The following RNMT variants were observed in gnomAD, a reference collection of about 807,000 sequenced individuals.
RNMT encodes RNA guanine-7 methyltransferase.
A neutral mutation model predicts 56.0 loss-of-function variants in RNMT; 27 were observed. The observed-to-expected ratio is 0.48, with a 90% CI of 0.36 to 0.67. The LOEUF is 0.67. RNMT is among the 30% of genes least tolerant of loss of function. The pLI, the probability that RNMT is intolerant of heterozygous loss-of-function variation, is 0.00. For synonymous variants in RNMT, 184 were observed against 176.2 expected (o/e 1.04, Z -0.35); for missense variants, 519 against 552.1 (o/e 0.94, Z 0.60).
intron 4 of RNMT, among the ~76,000 whole-genome samples, chr18:13,735,218 A>AT (rs914168336): frequency 1.3e-5 from 2 of 152,122 alleles, no homozygotes; most frequent in Non-Finnish European, 2.9e-5. Flanking sequence ...CATAATAAAG[A>AT]TTTTTTTAAA....
At chr18:13,756,287 T>G (rs531136658) in intron 11 of RNMT, among the ~76,000 whole-genome samples, 32 of 152,346 alleles carry the variant, frequency 2.1e-4, no homozygotes, top group African/African-American at 7.5e-4. Context: ...TAAGTGGGAC[T>G]TTTTAGGAGT....
chr18:13,763,384 AC>A lies in RNMT; in HGVS notation c.*3409del. On this transcript the variant is annotated 3_prime_UTR_variant, in exon 12 of 12. Transcript: ENST00000383314. ...TCTGCTCCCATGTAGGCCTAAAGTC[AC>A]CCCACTCCTTAGTGCCTGCACCTCA... The A allele has an allele frequency of 3.5e-6, 1 of 288,216 alleles. No homozygotes were observed. Among genetic ancestry groups the A allele is most frequent in the East Asian group, 8.0e-5 (1 of 12,444 alleles). 17.9% of individuals were successfully genotyped at this position (288,216 alleles called of 1,614,324 possible). A position where few individuals can be genotyped will look rare whatever the true frequency, so the allele number is the denominator to read the frequency against.
chr18:13,762,699 A>G lies in RNMT; in HGVS notation c.*2720A>G. The G allele has an allele frequency of 4.2e-6, 1 of 237,954 alleles. No homozygotes were observed. The highest frequency in any genetic ancestry group is 2.2e-5 in the African/African-American group (1 of 44,810). 14.7% of individuals were successfully genotyped at this position (237,954 alleles called of 1,614,324 possible). On this transcript the variant is annotated 3_prime_UTR_variant, in exon 12 of 12. Coordinates refer to ENST00000383314, the MANE Select transcript of RNMT (RefSeq NM_003799.3). The stretch of plus-strand genomic sequence containing the variant: ...AGGATCAGAGCAGAGTTGGGAGTAT[A>G]TTGGTCAGGATCATAGAAAAGAAGA...
At chr18:13,749,166 A>G (rs2044399639) in intron 9 of RNMT, among the ~76,000 whole-genome samples, 1 of 152,202 alleles carries the variant, frequency 6.6e-6, no homozygotes, top group South Asian at 2.1e-4. Flanking sequence ...ATCAGTAGAG[A>G]AGAGAAACTG....
chr18:13,759,172 C>T (rs979291865), intron 11 of RNMT, among the ~76,000 whole-genome samples: 3 of 152,160 alleles, frequency 2.0e-5, no homozygotes, highest in Non-Finnish European at 2.9e-5. Flanking sequence ...AAACCCGAAG[C>T]GAGCATGTGC....
At position 13,761,796 on chromosome 18, in the gene RNMT, A is replaced by G; in HGVS notation, c.*1817A>G. 1.6e-6 allele frequency: 2 copies of G among 1,290,060 alleles called. No homozygotes were observed. Among genetic ancestry groups the G allele is most frequent in the Non-Finnish European group, 2.0e-6 (2 of 1,013,664 alleles). 79.9% of individuals were successfully genotyped at this position (1,290,060 alleles called of 1,614,324 possible). A position where few individuals can be genotyped will look rare whatever the true frequency, so the allele number is the denominator to read the frequency against. The stretch of plus-strand genomic sequence containing the variant: ...TGTTCAGGCACCACCTTCCTCCTTG[A>G]GCTTTGCCTGTCTCTTGCCTTATCA... On this transcript the variant is annotated 3_prime_UTR_variant, in exon 12 of 12. Coordinates refer to ENST00000383314, the MANE Select transcript of RNMT (RefSeq NM_003799.3).
In RNMT at chr18:13,736,993, T is replaced by A; in HGVS notation, c.554-17T>A. 6.2e-7 allele frequency: 1 copy of A among 1,608,644 alleles called. No homozygotes were observed. Among genetic ancestry groups the A allele is most frequent in the Non-Finnish European group, 8.5e-7 (1 of 1,177,196 alleles). On this transcript the variant is annotated splice_polypyrimidine_tract_variant and intron_variant, in intron 4 of 11. Coordinates refer to ENST00000383314, the MANE Select transcript of RNMT (RefSeq NM_003799.3). ...TGAAGAAGAGGTAGTTTATTGTGAC[T>A]GATTTCTCTCTTTTAGGAGAATTTT... is the stretch of plus-strand genomic sequence containing the variant.
intron 5 of RNMT, among the ~76,000 whole-genome samples, chr18:13,738,746 G>A (rs1343851018): frequency 6.6e-6 from 1 of 152,186 alleles, no homozygotes; most frequent in Non-Finnish European, 1.5e-5. Context: ...TGATCAATAC[G>A]AGTTTTTCAG....
At chr18:13,735,345 A>G (rs2044140942) in intron 4 of RNMT, among the ~76,000 whole-genome samples, 2 of 152,202 alleles carry the variant, frequency 1.3e-5, no homozygotes, top group African/African-American at 4.8e-5. Flanking sequence ...AAGATAAATT[A>G]CCTAATCTGA....
chr18:13,747,860 G>T (rs925858437), intron 9 of RNMT, among the ~76,000 whole-genome samples: 2 of 152,188 alleles, frequency 1.3e-5, no homozygotes, highest in African/African-American at 2.4e-5. Context: ...GCAAAACTAT[G>T]TGTGGATAAG....
chr18:13,761,944 C>T lies in RNMT; in HGVS notation c.*1965C>T. On this transcript the variant is annotated 3_prime_UTR_variant, in exon 12 of 12. Transcript: ENST00000383314. ...TAGGAAGAGGACTAGAAAAGGCTTC[C>T]CCTGCCTATCCTCTCCGATCACCAA... is the stretch of plus-strand genomic sequence containing the variant. 1.4e-6 allele frequency: 2 copies of T among 1,433,012 alleles called. No homozygotes were observed. Among genetic ancestry groups the T allele is most frequent in the Non-Finnish European group, 1.8e-6 (2 of 1,086,720 alleles). 88.8% of individuals were successfully genotyped at this position (1,433,012 alleles called of 1,614,324 possible). A position where few individuals can be genotyped will look rare whatever the true frequency, so the allele number is the denominator to read the frequency against.
chr18:13,761,751 AGCCACACCTGCAGGC>A lies in RNMT; in HGVS notation c.*1775_*1789del. On this transcript the variant is annotated 3_prime_UTR_variant, in exon 12 of 12. Coordinates refer to ENST00000383314, the MANE Select transcript of RNMT (RefSeq NM_003799.3). ...TGTTGGTGTCAGGGAGGCTTACTGG[AGCCACACCTGCAGGC>A]GCTGTGTTCAGGCACCACCTTCCTC... is the stretch of plus-strand genomic sequence containing the variant. 1 of 1,179,792 alleles carries A rather than the reference AGCCACACCTGCAGGC, an allele frequency of 8.5e-7. No individual in the cohort carries two copies. The highest frequency in any genetic ancestry group is 1.1e-6 in the Non-Finnish European group (1 of 948,422). 73.1% of individuals were successfully genotyped at this position (1,179,792 alleles called of 1,614,324 possible). A position where few individuals can be genotyped will look rare whatever the true frequency, so the allele number is the denominator to read the frequency against.
rs1482338182 is a variant in RNMT at position 13,731,495 on chromosome 18, A to G, written c.-23A>G. On this transcript the variant is annotated 5_prime_UTR_variant, in exon 3 of 12. Coordinates refer to ENST00000383314, the MANE Select transcript of RNMT (RefSeq NM_003799.3). ...TTCTAGTGTTGGTTCATGAAGTTTT[A>G]CCATCAATTCAAGTAATCATAAATG... is the stretch of plus-strand genomic sequence containing the variant. 3 of 1,555,374 alleles carry G rather than the reference A, an allele frequency of 1.9e-6. No homozygotes were observed.
In RNMT at chr18:13,761,684, A is replaced by C. The variant is rs969892259; in HGVS notation, c.*1705A>C. 9.6e-6 allele frequency: 10 copies of C among 1,047,094 alleles called. No homozygotes were observed. In the Admixed American group the frequency reaches 1.5e-4, roughly 16 times the overall value. The allele number at this position is 1,047,094 out of a possible 1,614,324, so 64.9% of individuals were successfully genotyped here. On this transcript the variant is annotated 3_prime_UTR_variant, in exon 12 of 12. Coordinates refer to ENST00000383314, the MANE Select transcript of RNMT (RefSeq NM_003799.3). Reference sequence around the variant, plus strand: ...AGTGAACAGAAAGGAGCAGAGAGCAAGATTAGATCTGAGAAGATGCTCTGG... The same window carrying C: ...AGTGAACAGAAAGGAGCAGAGAGCACGATTAGATCTGAGAAGATGCTCTGG...
At position 13,760,557 on chromosome 18, in the gene RNMT, ATGC is replaced by A. The variant is rs886293317; in HGVS notation, c.*582_*584del. On this transcript the variant is annotated 3_prime_UTR_variant, in exon 12 of 12. Transcript: ENST00000383314. Reference sequence around the variant, plus strand: ...ATTGCATTTTGAAATAATCATTAACATGCTGCAATTCAGGAGCTGGTTAGAACA... The same window carrying A: ...ATTGCATTTTGAAATAATCATTAACATGCAATTCAGGAGCTGGTTAGAACA... The A allele has an allele frequency of 8.4e-4, 825 of 985,680 alleles. No individual in the cohort carries two copies. The highest frequency in any genetic ancestry group is 9.3e-4 in the Non-Finnish European group (770 of 829,914). 61.1% of individuals were successfully genotyped at this position (985,680 alleles called of 1,614,324 possible).
chr18:13,735,222 T>C (rs1474197891), intron 4 of RNMT, among the ~76,000 whole-genome samples: 1 of 152,186 alleles, frequency 6.6e-6, no homozygotes, highest in Non-Finnish European at 1.5e-5. Context: ...ATAAAGATTT[T>C]TTTAAAGCCA....
At chr18:13,738,554 A>G (rs2044203040) in intron 5 of RNMT, among the ~76,000 whole-genome samples, 1 of 152,196 alleles carries the variant, frequency 6.6e-6, no homozygotes, top group African/African-American at 2.4e-5. Flanking sequence ...CTTAGTGATG[A>G]ACTTTTTATA....
chr18:13,727,001 AG>A (rs2043967309), intron 1 of RNMT: 1 of 152,002 alleles, frequency 6.6e-6, no homozygotes, highest in African/African-American at 2.4e-5. Flanking sequence ...CTCGCGCCCC[AG>A]GGCCGTGCTG....
chr18:13,759,829 T>C (rs1201210741), intron 11 of RNMT, 113 bp from the exon 12 acceptor site: 1 of 835,244 alleles, frequency 1.2e-6, no homozygotes, highest in African/African-American at 1.7e-5. Flanking sequence ...GGGATTTTCC[T>C]CTTCAGAAGC....
Sources: allele counts gnomAD v4.1 joint callset (sites outside exome capture counted in the v4.1 genomes callset), GRCh38; gene constraint gnomAD v4.1.1; transcripts MANE v1.5; gene names NCBI Gene and HGNC (gene_info 2026-07-23, HGNC 2026-07-21).